Variants in KLF12 observed in about 807,000 individuals in gnomAD.
KLF12 encodes KLF transcription factor 12.
Under a neutral mutation model 37.8 loss-of-function variants are expected in KLF12, and 9 were observed. That is an observed-to-expected ratio of 0.24 (90% CI 0.14 to 0.42). The LOEUF is 0.42. Ranked by LOEUF, KLF12 falls within the 10% of genes least tolerant of loss-of-function variation. KLF12 has a pLI of 1.00. For synonymous variants in KLF12, 208 were observed against 202.1 expected (o/e 1.03, Z -0.25); for missense variants, 411 against 516.0 (o/e 0.80, Z 1.97).
intron 2 of KLF12, among the ~76,000 whole-genome samples, chr13:73,986,576 G>A (rs1291273455): frequency 1.3e-5 from 2 of 152,178 alleles, no homozygotes; most frequent in Non-Finnish European, 2.9e-5. Flanking sequence ...CCTGAAATCT[G>A]TTAGGTTACA....
chr13:73,957,267 A>T (rs1890875111), intron 2 of KLF12, among the ~76,000 whole-genome samples: 1 of 152,206 alleles, frequency 6.6e-6, no homozygotes, highest in African/African-American at 2.4e-5. Context: ...GGAAATTAGC[A>T]ATACTTTAAA....
chr13:74,021,717 T>G (rs552220892), intron 1 of KLF12, among the ~76,000 whole-genome samples: 1 of 152,310 alleles, frequency 6.6e-6, no homozygotes, highest in African/African-American at 2.4e-5. Context: ...TGCCACTGGT[T>G]AGTTCCAAAG....
chr13:73,920,060 C>T (rs1459964910), intron 3 of KLF12, among the ~76,000 whole-genome samples: 1 of 152,130 alleles, frequency 6.6e-6, no homozygotes, highest in African/African-American at 2.4e-5. Flanking sequence ...ATCTTTTCTC[C>T]TTCAAATTCA....
At chr13:74,065,323 T>A (rs1873851210) in intron 1 of KLF12, among the ~76,000 whole-genome samples, 1 of 151,866 alleles carries the variant, frequency 6.6e-6, no homozygotes, top group South Asian at 2.1e-4. Context: ...AAACAGCAAA[T>A]CATGGTCATA....
the KLF12 span, among the ~76,000 whole-genome samples, chr13:74,263,141 T>C: frequency 3.3e-5 from 5 of 152,208 alleles, no homozygotes; most frequent in Non-Finnish European, 7.3e-5. Flanking sequence ...TTAAAGTAAG[T>C]AAGTTCTTTA....
At chr13:74,089,338 G>T (rs1291661083) in intron 1 of KLF12, among the ~76,000 whole-genome samples, 2 of 151,986 alleles carry the variant, frequency 1.3e-5, no homozygotes, top group Non-Finnish European at 2.9e-5. Context: ...ACCCTAAAAG[G>T]ACCAAATATC....
the KLF12 span, among the ~76,000 whole-genome samples, chr13:74,254,124 A>G: frequency 5.3e-3 from 800 of 152,218 alleles, 5 homozygotes; most frequent in African/African-American, 0.018. Context: ...CCATATATGT[A>G]TATGTCATGC....
At chr13:73,939,181 G>T (rs909827080) in intron 3 of KLF12, among the ~76,000 whole-genome samples, 4 of 152,022 alleles carry the variant, frequency 2.6e-5, no homozygotes, top group Non-Finnish European at 5.9e-5. Flanking sequence ...CCTTCCCCGC[G>T]GCAGATTCCT....
chr13:74,161,651 T>A, the KLF12 span, among the ~76,000 whole-genome samples: 1 of 152,194 alleles, frequency 6.6e-6, no homozygotes, highest in African/African-American at 2.4e-5. Context: ...ACCGAGTTTG[T>A]GGTGATTTGT....
intron 6 of KLF12, among the ~76,000 whole-genome samples, chr13:73,723,051 T>C (rs887984983): frequency 3.9e-5 from 6 of 152,312 alleles, no homozygotes; most frequent in African/African-American, 1.4e-4. Flanking sequence ...TTTCAACATA[T>C]TTCAGCAAGC....
intron 6 of KLF12, among the ~76,000 whole-genome samples, chr13:73,720,083 G>C (rs908200980): frequency 6.6e-6 from 1 of 151,988 alleles, no homozygotes; most frequent in Non-Finnish European, 1.5e-5. Flanking sequence ...GTAGGATGCT[G>C]GTGAATGAAA....
the KLF12 span, among the ~76,000 whole-genome samples, chr13:74,260,838 T>G: frequency 6.6e-6 from 1 of 151,764 alleles, no homozygotes; most frequent in Non-Finnish European, 1.5e-5. Context: ...GAAAAACAAA[T>G]TGGGTTAAAG....
intron 3 of KLF12, among the ~76,000 whole-genome samples, chr13:73,880,690 G>T (rs775231267): frequency 5.9e-5 from 9 of 152,122 alleles, no homozygotes; most frequent in Non-Finnish European, 1.2e-4. Flanking sequence ...AGGACCTATG[G>T]GATTTTTCTT....
chr13:74,294,370 A>T, the KLF12 span, among the ~76,000 whole-genome samples: 1 of 152,110 alleles, frequency 6.6e-6, no homozygotes, highest in Non-Finnish European at 1.5e-5. Flanking sequence ...CAAATTAATA[A>T]GAGAATTTTT....
chr13:74,023,943 C>A (rs1275638718), intron 1 of KLF12, among the ~76,000 whole-genome samples: 1 of 152,124 alleles, frequency 6.6e-6, no homozygotes, highest in Non-Finnish European at 1.5e-5. Flanking sequence ...CCTAAGAGAT[C>A]AAAGTGCAAA....
chr13:73,756,975 C>G (rs1879211631), intron 6 of KLF12, among the ~76,000 whole-genome samples: 2 of 152,234 alleles, frequency 1.3e-5, no homozygotes, highest in South Asian at 4.1e-4. Context: ...TGAAAAATCA[C>G]CTTTTGCTTA....
At chr13:73,778,426 A>G (rs530156484) in intron 5 of KLF12, among the ~76,000 whole-genome samples, 2 of 152,160 alleles carry the variant, frequency 1.3e-5, no homozygotes, top group South Asian at 2.1e-4. Flanking sequence ...ACGTGGTGCA[A>G]TCACGGCTCT....
Position 74,033,460 on chromosome 13 carries a change from T to A in KLF12, c.-31-38407A>T, listed in dbSNP as rs999153180. Among the ~76,000 whole-genome samples, 5 of 152,348 alleles carry A rather than the reference T, an allele frequency of 3.3e-5. No individual in the cohort carries two copies. The East Asian group carries it at 9.6e-4, about 29-fold the overall frequency. ...TAATAATATTTACTCAAAGGAATGTTATAATTAAATGAGATAATCAACATA... is the reference window on the plus strand; with the variant it reads ...TAATAATATTTACTCAAAGGAATGTAATAATTAAATGAGATAATCAACATA... On this transcript the variant is annotated intron_variant, in intron 1 of 7. Coordinates refer to ENST00000377669, the MANE Select transcript of KLF12 (RefSeq NM_007249.5).
intron 6 of KLF12, among the ~76,000 whole-genome samples, chr13:73,723,263 A>C (rs1397939533): frequency 1.2e-4 from 18 of 152,144 alleles, no homozygotes. Flanking sequence ...CTCTGTGGGG[A>C]ATGTCCTATG....
Sources: gnomAD v4.1 joint callset for allele counts (sites outside exome capture counted in the v4.1 genomes callset) on GRCh38, gnomAD v4.1.1 for gene constraint, MANE v1.5 for transcripts, NCBI Gene and HGNC (gene_info 2026-07-23, HGNC 2026-07-21) for gene names.